CA5B: variants seen among roughly 807,000 people sequenced by gnomAD.
The protein encoded by CA5B is carbonic anhydrase 5B, mitochondrial.
A neutral mutation model predicts 23.1 loss-of-function variants in CA5B; 15 were observed. The ratio of observed to expected loss-of-function variants is 0.65; its 90% CI spans 0.43 to 1.00. CA5B has a LOEUF of 1.00. Ranked by LOEUF, CA5B falls within the 50% of genes least tolerant of loss-of-function variation. The pLI, the probability that CA5B is intolerant of heterozygous loss-of-function variation, is 0.00. For synonymous variants in CA5B, 84 were observed against 98.5 expected (o/e 0.85, Z 0.87); for missense variants, 236 against 252.2 (o/e 0.94, Z 0.43).
At position 15,784,725 on chromosome X, in the gene CA5B, CAAAG is replaced by C. The variant is rs777193895; in HGVS notation, c.*2062_*2065del. 1 of 111,913 alleles carries C rather than the reference CAAAG, an allele frequency of 8.9e-6. No homozygotes were observed. Among genetic ancestry groups the C allele is most frequent in the Non-Finnish European group, 1.9e-5 (1 of 53,202 alleles). 9.2% of individuals were successfully genotyped at this position (111,913 alleles called of 1,213,427 possible). The stretch of plus-strand genomic sequence containing the variant: ...ATCAAACTTAAAAATGTCTGTGTGT[CAAAG>C]GAAGCAATCAACAAAGTGAAAACGC... On this transcript the variant is annotated 3_prime_UTR_variant, in exon 8 of 8. Transcript: ENST00000318636.
intron 7 of CA5B, among the ~76,000 whole-genome samples, chrX:15,780,626 A>G (rs190560216): frequency 4.4e-4 from 50 of 112,401 alleles, no homozygotes; most frequent in Non-Finnish European, 7.3e-4. Context: ...TAAGGACTAT[A>G]TACTAGTTCA....
At position 15,764,624 on chromosome X, in the gene CA5B, C is replaced by A. The variant is rs2257278; in HGVS notation, c.189C>A (p.Arg63=). The part of the protein sequence containing the change: ...ESVDLVPGGD[R]QSPINIRWRD... ...TGGACCTGGTTCCTGGGGGCGATCG[C>A]CAGTCACCCATCAACATTCGGTGGA... The change falls in exon 3 of 8, where the codon CGC becomes CGA. Residue 63 remains arginine (R), a synonymous_variant. Transcript: ENST00000318636. 8.8e-5 allele frequency: 103 copies of A among 1,173,637 alleles called. No individual in the cohort carries two copies. Among genetic ancestry groups the A allele is most frequent in the Admixed American group, 6.7e-4 (26 of 39,078 alleles).
chrX:15,746,620 C>G (rs188775380), intron 1 of CA5B, among the ~76,000 whole-genome samples: 145 of 111,501 alleles, frequency 1.3e-3, no homozygotes, highest in African/African-American at 4.6e-3. Context: ...ATAGAGCCAA[C>G]TGTGTGGGAG....
At chrX:15,754,267 G>A (rs1931446277) in intron 2 of CA5B, among the ~76,000 whole-genome samples, 1 of 112,704 alleles carries the variant, frequency 8.9e-6, no homozygotes, top group African/African-American at 3.2e-5. Flanking sequence ...AGCTAGTGAT[G>A]TCACGCAGTG....
At chrX:15,751,166 T>C (rs971219809) in intron 2 of CA5B, among the ~76,000 whole-genome samples, 7 of 112,220 alleles carry the variant, frequency 6.2e-5, no homozygotes, top group African/African-American at 1.3e-4. Flanking sequence ...TTAAAAAACA[T>C]TGGCACAGAG....
At chrX:15,752,363 C>G (rs1199575164) in intron 2 of CA5B, among the ~76,000 whole-genome samples, 1 of 111,909 alleles carries the variant, frequency 8.9e-6, no homozygotes, top group Non-Finnish European at 1.9e-5. Context: ...TACCCCAAAA[C>G]ATGTTTCTTT....
rs1347639823 is a variant in CA5B, at chrX:15,785,046, A to G, written c.*2382A>G. ...CCACTATCAGAAGAACAAAAAAATA[A>G]CAAGTATTGGGGAGGATGCAGAGAA... On this transcript the variant is annotated 3_prime_UTR_variant, in exon 8 of 8. Transcript: ENST00000318636. The G allele has an allele frequency of 2.7e-5, 3 of 112,227 alleles. No individual in the cohort carries two copies. The highest frequency in any genetic ancestry group is 5.6e-5 in the Non-Finnish European group (3 of 53,264). The allele number at this position is 112,227 out of a possible 1,213,427, so 9.2% of individuals were successfully genotyped here.
chrX:15,767,880 G>A (rs1931741584), intron 3 of CA5B, among the ~76,000 whole-genome samples: 1 of 94,250 alleles, frequency 1.1e-5, no homozygotes, highest in Non-Finnish European at 2.1e-5. Flanking sequence ...TTACAGGTGT[G>A]AGCCACTGCA....
chrX:15,779,246 C>A (rs980796648), intron 7 of CA5B, among the ~76,000 whole-genome samples: 2 of 111,367 alleles, frequency 1.8e-5, no homozygotes, highest in Non-Finnish European at 3.8e-5. Flanking sequence ...GATTGATGTT[C>A]CAGCTCAAGC....
rs1181410250 is a variant in CA5B, at chrX:15,784,999, C to T, written c.*2335C>T. 1 of 112,005 alleles carries T rather than the reference C, an allele frequency of 8.9e-6. No homozygotes were observed. Among genetic ancestry groups the T allele is most frequent in the African/African-American group, 3.2e-5 (1 of 30,802 alleles). The allele number at this position is 112,005 out of a possible 1,213,427, so 9.2% of individuals were successfully genotyped here. A position where few individuals can be genotyped will look rare whatever the true frequency, so the allele number is the denominator to read the frequency against. On this transcript the variant is annotated 3_prime_UTR_variant, in exon 8 of 8. Coordinates refer to ENST00000318636, the MANE Select transcript of CA5B (RefSeq NM_007220.4). ...GCAAATCAAAACCACAATGAGATAT[C>T]GTCTCACGCCCATCATGATGGCCAC...
chrX:15,741,232 T>C (rs1931113723), intron 1 of CA5B, among the ~76,000 whole-genome samples: 2 of 106,636 alleles, frequency 1.9e-5, no homozygotes, highest in East Asian at 3.1e-4. Context: ...CATGCACGGC[T>C]AATTTTTGTA....
At chrX:15,763,527 T>C (rs1310637473) in intron 2 of CA5B, among the ~76,000 whole-genome samples, 2 of 112,407 alleles carry the variant, frequency 1.8e-5, no homozygotes, top group Non-Finnish European at 1.9e-5. Context: ...TTTTGCAAGA[T>C]GCCAAAATGC....
In CA5B at chrX:15,774,301, G is replaced by T. The variant is rs766688513; in HGVS notation, c.460-1G>T. 11 of 1,206,697 alleles carry T rather than the reference G, an allele frequency of 9.1e-6. No individual in the cohort carries two copies. Among genetic ancestry groups the T allele is most frequent in the Admixed American group, 8.8e-5 (4 of 45,219 alleles). On this transcript the variant is annotated splice_acceptor_variant, in intron 4 of 7. Coordinates refer to ENST00000318636, the MANE Select transcript of CA5B (RefSeq NM_007220.4). LOFTEE classifies it high-confidence loss of function. ...TTAACCCTCTTTTCATGGTGTTTCA[G>T]CTGCACTTAGTGCATTGGAACGCAG...
chrX:15,744,997 C>T (rs368727734), intron 1 of CA5B, among the ~76,000 whole-genome samples: 29 of 108,818 alleles, frequency 2.7e-4, no homozygotes, highest in East Asian at 8.6e-4. Flanking sequence ...GGTGAAACCC[C>T]GTCTCTACTA....
chrX:15,748,112 A>G (rs1391146082), intron 1 of CA5B, among the ~76,000 whole-genome samples: 1 of 111,781 alleles, frequency 8.9e-6, no homozygotes, highest in Non-Finnish European at 1.9e-5. Flanking sequence ...CCCTAATCTT[A>G]TTTTGCAAAG....
At chrX:15,767,506 A>G (rs1181441079) in intron 3 of CA5B, among the ~76,000 whole-genome samples, 1 of 110,311 alleles carries the variant, frequency 9.1e-6, no homozygotes, top group Non-Finnish European at 1.9e-5. Context: ...GACTCAAGCA[A>G]TCCTCCCACC....
chrX:15,768,111 G>C (rs1931749107), intron 3 of CA5B, among the ~76,000 whole-genome samples: 1 of 109,836 alleles, frequency 9.1e-6, no homozygotes, highest in African/African-American at 3.3e-5. Context: ...TGGCCAGGCT[G>C]GTCTCAAACT....
chrX:15,748,421 T>C (rs957116536), intron 1 of CA5B, among the ~76,000 whole-genome samples: 1 of 111,632 alleles, frequency 9.0e-6, no homozygotes, highest in Non-Finnish European at 1.9e-5. Flanking sequence ...TCTTCTTAAC[T>C]CCTATATCAC....
chrX:15,785,579 G>A lies in CA5B; in HGVS notation c.*2915G>A, dbSNP rs1359596296. 1 of 112,302 alleles carries A rather than the reference G, an allele frequency of 8.9e-6. No individual in the cohort carries two copies. Among genetic ancestry groups the A allele is most frequent in the Non-Finnish European group, 1.9e-5 (1 of 53,275 alleles). The allele number at this position is 112,302 out of a possible 1,213,427, so 9.3% of individuals were successfully genotyped here. ...CAGAGCTTGTGTTGCAAGAATTCTA[G>A]AGATCTGTTGCAAAACAAGTGTGAT... On this transcript the variant is annotated 3_prime_UTR_variant, in exon 8 of 8. Transcript: ENST00000318636.
Sources: allele counts gnomAD v4.1 joint callset (sites outside exome capture counted in the v4.1 genomes callset), GRCh38; gene constraint gnomAD v4.1.1; transcripts MANE v1.5; gene names NCBI Gene and HGNC (gene_info 2026-07-23, HGNC 2026-07-21).